LRRD1: variants seen among roughly 807,000 people sequenced by gnomAD.
The protein encoded by LRRD1 is leucine rich repeats and death domain containing 1, also known as leucine-rich repeat and death domain-containing protein 1.
A neutral mutation model predicts 69.5 loss-of-function variants in LRRD1; 49 were observed. The observed-to-expected ratio is 0.70, with a 90% CI of 0.56 to 0.89. LRRD1 has a LOEUF of 0.89. LRRD1 is among the 40% of genes least tolerant of loss of function. LRRD1 has a pLI of 0.00. For missense variants in LRRD1, 853 were observed against 956.0 expected, an observed-to-expected ratio of 0.89 and a Z score of 1.42; for synonymous variants, 303 against 338.9, an observed-to-expected ratio of 0.89 and a Z score of 1.16.
chr7:92,154,912 G>C (rs1788619792), intron 3 of LRRD1, among the ~76,000 whole-genome samples: 1 of 152,148 alleles, frequency 6.6e-6, no homozygotes, highest in Admixed American at 6.5e-5. Context: ...ATCTGTTCAT[G>C]TCTTTCACCC....
In LRRD1 at chr7:92,150,604, T is replaced by C; in HGVS notation, c.2208A>G (p.Pro736=). The C allele has an allele frequency of 1.9e-6, 3 of 1,551,516 alleles. No individual in the cohort carries two copies. The highest frequency in any genetic ancestry group is 1.7e-6 in the Non-Finnish European group (2 of 1,146,812). ...NFDDNPLLRP[P]VEICKGKQLY... Reference sequence around the variant, plus strand: ...ACTGTTTTCCTTTACAGATTTCCACTGGAGGTCTCAGCAAAGGGTTGTCAT... The same window carrying C: ...ACTGTTTTCCTTTACAGATTTCCACCGGAGGTCTCAGCAAAGGGTTGTCAT... The change falls in exon 4 of 6, where the codon CCA becomes CCG. Residue 736 remains proline (P), a synonymous_variant. Coordinates refer to ENST00000458448, the MANE Select transcript of LRRD1 (RefSeq NM_001161528.2).
chr7:92,144,030 AG>A (rs1328782888), downstream of LRRD1, among the ~76,000 whole-genome samples: 2 of 152,204 alleles, frequency 1.3e-5, no homozygotes, highest in Non-Finnish European at 2.9e-5. Flanking sequence ...CCCCTATGAA[AG>A]GTTTTCTGAT....
intron 1 of LRRD1, among the ~76,000 whole-genome samples, chr7:92,174,510 T>TGTATATATATA (rs1491100533): frequency 7.9e-4 from 10 of 12,604 alleles, no homozygotes; most frequent in Non-Finnish European, 9.8e-4. Flanking sequence ...TATATATATA[T>TGTATATATATA]TTTTTTTTTT....
chr7:92,171,405 C>G, intron 1 of LRRD1, among the ~76,000 whole-genome samples: 1 of 151,946 alleles, frequency 6.6e-6, no homozygotes, highest in Non-Finnish European at 1.5e-5. Flanking sequence ...AACAATACAT[C>G]AACAAATTGG....
At chr7:92,142,598 C>G, downstream of LRRD1, 1 of 448,436 alleles carries the variant, frequency 2.2e-6, no homozygotes, top group South Asian at 1.6e-5. Flanking sequence ...GAAGCCGACC[C>G]TCACGGTCAG....
At chr7:92,172,101 ACAGAGT>A (rs1191294198) in intron 1 of LRRD1, among the ~76,000 whole-genome samples, 3 of 152,214 alleles carry the variant, frequency 2.0e-5, no homozygotes, top group Non-Finnish European at 4.4e-5. Flanking sequence ...GGCCTGGGTG[ACAGAGT>A]GAGACCAACC....
At chr7:92,174,501 ATATATATATTTTTTTTTTTT>A (rs1379746621) in intron 1 of LRRD1, among the ~76,000 whole-genome samples, 2 of 20,026 alleles carry the variant, frequency 1.0e-4, no homozygotes, top group South Asian at 1.8e-3. Flanking sequence ...ATATATATAT[ATATATATATTTTTTTTTTTT>A]TTTTTTTTTT....
At position 92,165,199 on chromosome 7, in the gene LRRD1, A is replaced by T. The variant is rs1352221936; in HGVS notation, c.4T>A (p.Ser2Thr). ...ACTTCTGACATACCCTCCTTTTCAGACATCTTATTTGCTGATATGTTTTAT... is the reference window on the plus strand; with the variant it reads ...ACTTCTGACATACCCTCCTTTTCAGTCATCTTATTTGCTGATATGTTTTAT... M[S>T]EKEGMSEVLE... Residue 2 changes from serine to threonine, a missense_variant, in exon 2 of 6, where the codon TCT (serine) becomes ACT (threonine). Ser to Thr is a moderately conservative substitution (Grantham distance 58, BLOSUM62 1). Transcript: ENST00000458448. 6.9e-7 allele frequency: 1 copy of T among 1,447,916 alleles called. No individual in the cohort carries two copies. The highest frequency in any genetic ancestry group is 9.2e-7 in the Non-Finnish European group (1 of 1,090,870). 89.7% of individuals were successfully genotyped at this position (1,447,916 alleles called of 1,614,324 possible). A position where few individuals can be genotyped will look rare whatever the true frequency, so the allele number is the denominator to read the frequency against.
chr7:92,143,665 G>A (rs1335262294), downstream of LRRD1, among the ~76,000 whole-genome samples: 3 of 152,266 alleles, frequency 2.0e-5, no homozygotes, highest in East Asian at 1.9e-4. Flanking sequence ...GCGCTGGCCC[G>A]CAAGCACCGC....
Position 92,165,248 on chromosome 7 carries a change from T to C in LRRD1, c.-46A>G, listed in dbSNP as rs562232736. ...ATGCCAATACAAAATTGTAACTTGA[T>C]TTTAATTTTCATGTTTTTTCCTTTG... On this transcript the variant is annotated 5_prime_UTR_variant, in exon 2 of 6. Transcript: ENST00000458448. The C allele has an allele frequency of 2.6e-4, 304 of 1,161,900 alleles. 1 individual carries two copies. The East Asian group carries it at 7.5e-3, about 29-fold the overall frequency. The allele number at this position is 1,161,900 out of a possible 1,614,324, so 72.0% of individuals were successfully genotyped here.
rs1198200920 is a variant in LRRD1 at position 92,150,651 on chromosome 7, A to G, written c.2161T>C (p.Ser721Pro). The G allele has an allele frequency of 1.3e-6, 2 of 1,550,100 alleles. No homozygotes were observed. Among genetic ancestry groups the G allele is most frequent in the East Asian group, 2.4e-5 (1 of 40,898 alleles). ...TCATCAAAATTTATCTCCTTCAGTG[A>G]AAAAATATTGTAGATAGCACTAGGT... The part of the protein sequence containing the change: ...ALPSAIYNIF[S>P]LKEINFDDNP... The change falls in exon 4 of 6, where the codon TCA becomes CCA. Residue 721 changes from serine (S) to proline (P), a missense_variant. Transcript: ENST00000458448.
intron 1 of LRRD1, among the ~76,000 whole-genome samples, chr7:92,167,164 T>C (rs7791282): frequency 0.35 from 52,187 of 150,804 alleles, 9,455 homozygotes; most frequent in Non-Finnish European, 0.39. Context: ...GGTGCTATCT[T>C]GGCTCACTGC....
chr7:92,144,741 GA>G, downstream of LRRD1: 2 of 434,076 alleles, frequency 4.6e-6, no homozygotes, highest in Non-Finnish European at 8.1e-6. Context: ...ACATTAGAGT[GA>G]TAGTTATAAG....
At position 92,159,159 on chromosome 7, in the gene LRRD1, TTTAAG is replaced by T. The variant is rs768772540; in HGVS notation, c.1957_1961del (p.Leu653ArgfsTer3). ...TTGCATTATTTGAGATATCAAGTTCTTTAAGTTGAGTCATATTAGATAGCTCTCCT... is the reference window on the plus strand; with the variant it reads ...TTGCATTATTTGAGATATCAAGTTCTTTGAGTCATATTAGATAGCTCTCCT... On this transcript the variant is annotated frameshift_variant, in exon 3 of 6. Transcript: ENST00000458448. LOFTEE classifies it high-confidence loss of function. 1.9e-4 allele frequency: 290 copies of T among 1,541,230 alleles called. No homozygotes were observed. Among genetic ancestry groups the T allele is most frequent in the Middle Eastern group, 1.5e-3 (9 of 5,958 alleles).
Position 92,144,952 on chromosome 7 carries a change from C to G in LRRD1, c.2519G>C (p.Gly840Ala), listed in dbSNP as rs1820279835. The G allele has an allele frequency of 6.5e-7, 1 of 1,542,450 alleles. No homozygotes were observed. The highest frequency in any genetic ancestry group is 1.4e-5 in the African/African-American group (1 of 72,906). ...DQLIRALTMI[G>A]AYEIMDKITA... ...TATTTTGTCCATAATTTCATATGCT[C>G]CTATCATAGTTAGTGCTCGAATTAG... Residue 840 changes from glycine to alanine, a missense_variant, in exon 6 of 6, where the codon GGA becomes GCA. Physicochemically the swap from Gly to Ala is moderately conservative, Grantham distance 60. Coordinates refer to ENST00000458448, the MANE Select transcript of LRRD1 (RefSeq NM_001161528.2).
At chr7:92,143,129 A>T (rs1364163671), downstream of LRRD1, among the ~76,000 whole-genome samples, 1 of 152,112 alleles carries the variant, frequency 6.6e-6, no homozygotes, top group African/African-American at 2.4e-5. Flanking sequence ...GATTAGCTAG[A>T]TACAGAGTGT....
intron 1 of LRRD1, among the ~76,000 whole-genome samples, chr7:92,167,914 T>G (rs1484893545): frequency 7.3e-6 from 1 of 137,470 alleles, no homozygotes; most frequent in East Asian, 2.0e-4. Flanking sequence ...AAAAATAAGT[T>G]ATTCTGCTCT....
In LRRD1 at chr7:92,163,340, C is replaced by G. The variant is rs1031830096; in HGVS notation, c.1863G>C (p.Leu621=). 4 of 1,531,182 alleles carry G rather than the reference C, an allele frequency of 2.6e-6. No individual in the cohort carries two copies. Among genetic ancestry groups the G allele is most frequent in the Admixed American group, 2.2e-5 (1 of 45,024 alleles). The allele number at this position is 1,531,182 out of a possible 1,614,324, so 94.8% of individuals were successfully genotyped here. The change falls in exon 2 of 6, where the codon CTG becomes CTC. Residue 621 remains leucine (L), a synonymous_variant. Coordinates refer to ENST00000458448, the MANE Select transcript of LRRD1 (RefSeq NM_001161528.2). ...SNQFIHFPIE[L]CQLQSLEQLN... ...GCTGTTCCAGTGATTGAAGTTGGCA[C>G]AGTTCAATAGGAAAATGTATAAATT...
intron 1 of LRRD1, among the ~76,000 whole-genome samples, chr7:92,168,816 G>A (rs1788984988): frequency 1.3e-5 from 2 of 152,282 alleles, no homozygotes; most frequent in Non-Finnish European, 2.9e-5. Context: ...ACAGCAATCA[G>A]GGATCCATGA....
Sources: allele counts gnomAD v4.1 joint callset (sites outside exome capture counted in the v4.1 genomes callset), GRCh38; gene constraint gnomAD v4.1.1; transcripts MANE v1.5; gene names NCBI Gene and HGNC (gene_info 2026-07-23, HGNC 2026-07-21).